The following NAALADL2 variants were observed in gnomAD, a reference collection of about 807,000 sequenced individuals.
NAALADL2 encodes the protein N-acetylated alpha-linked acidic dipeptidase like 2.
In NAALADL2, 76 loss-of-function variants were observed where a neutral mutation model predicts 87.2. The ratio of observed to expected loss-of-function variants is 0.87; its 90% confidence interval spans 0.72 to 1.05. The LOEUF is 1.05. Among genes scored for constraint, NAALADL2 ranks in the 50% least tolerant of loss-of-function variants. NAALADL2 has a pLI of 0.00. For missense variants in NAALADL2, 1,089 were observed against 945.8 expected, an observed-to-expected ratio of 1.15 and a Z score of -1.99; for synonymous variants, 354 against 331.0, an observed-to-expected ratio of 1.07 and a Z score of -0.75.
chr3:174,563,003 TAAC>T (rs1402631526), intron 2 of NAALADL2, among the ~76,000 whole-genome samples: 1 of 152,112 alleles, frequency 6.6e-6, no homozygotes, highest in Non-Finnish European at 1.5e-5. Context: ...CTTTAAGATG[TAAC>T]AACAATTTAG....
In NAALADL2 at chr3:174,847,462, A is replaced by C. The variant is rs561990899; in HGVS notation, c.-9+109716A>C. ...TTGATGGCTTTATTATAATCAAGAA[A>C]TAAACTTTTAAAAAATAGGCTAAAC... On this transcript the variant is annotated intron_variant, in intron 3 of 3. Transcript: ENST00000434257. Among the ~76,000 whole-genome samples the C allele has an allele frequency of 3.9e-5, 6 of 152,314 alleles. No homozygotes were observed. The East Asian group carries it at 7.7e-4, about 20-fold the overall frequency.
At chr3:174,473,818 T>A (rs1717052711) in intron 1 of NAALADL2, among the ~76,000 whole-genome samples, 2 of 152,192 alleles carry the variant, frequency 1.3e-5, no homozygotes, top group Admixed American at 1.3e-4. Flanking sequence ...TGAGGCTGTA[T>A]TAGTCCATTC....
intron 1 of NAALADL2, among the ~76,000 whole-genome samples, chr3:174,880,222 T>C (rs1379745978): frequency 6.6e-6 from 1 of 152,090 alleles, no homozygotes; most frequent in African/African-American, 2.4e-5. Flanking sequence ...TACCTGGGTA[T>C]GATTAAACAT....
chr3:174,722,090 G>A (rs1433043764), intron 2 of NAALADL2, among the ~76,000 whole-genome samples: 1 of 152,134 alleles, frequency 6.6e-6, no homozygotes, highest in East Asian at 1.9e-4. Context: ...TCCTTCTTTA[G>A]TTATTTAGGG....
intron 10 of NAALADL2, among the ~76,000 whole-genome samples, chr3:175,623,354 G>A (rs1460958867): frequency 1.4e-5 from 2 of 148,070 alleles, no homozygotes; most frequent in Non-Finnish European, 3.0e-5. Flanking sequence ...CCTGAACAGA[G>A]GAGAAGGAAG....
intron 1 of NAALADL2, among the ~76,000 whole-genome samples, chr3:174,867,179 G>A (rs1054008975): frequency 1.3e-5 from 2 of 152,032 alleles, no homozygotes; most frequent in African/African-American, 4.8e-5. Context: ...GAAAGAACTA[G>A]TAAATTGGGT....
intron 1 of NAALADL2, among the ~76,000 whole-genome samples, chr3:174,535,010 T>C (rs1721604505): frequency 1.3e-5 from 2 of 152,214 alleles, no homozygotes; most frequent in Non-Finnish European, 2.9e-5. Context: ...CTGGTAATTT[T>C]AATATGTAAG....
intron 3 of NAALADL2, among the ~76,000 whole-genome samples, chr3:174,767,273 C>A (rs1713933892): frequency 1.3e-5 from 2 of 151,468 alleles, no homozygotes; most frequent in South Asian, 2.2e-4. Flanking sequence ...CCTTTCAAAT[C>A]TTCCTATATC....
At chr3:174,582,883 C>T (rs1345961883) in intron 2 of NAALADL2, among the ~76,000 whole-genome samples, 1 of 141,770 alleles carries the variant, frequency 7.1e-6, no homozygotes, top group Non-Finnish European at 1.5e-5. Context: ...TGCACCCAGC[C>T]CAGACTTCAT....
rs1391508849 is a variant in NAALADL2 at position 174,571,277 on chromosome 3, CG to C, written c.-115+20641del. The stretch of plus-strand genomic sequence containing the variant: ...TAAACTAAAAAACAGAAAAATCTTT[CG>C]TTTTTTTAGTGAGACTATTGTAACC... On this transcript the variant is annotated intron_variant, in intron 2 of 3. Coordinates refer to the NAALADL2 transcript ENST00000434257. Among the ~76,000 whole-genome samples, 91 of 150,474 alleles carry C rather than the reference CG, an allele frequency of 6.0e-4. 2 individuals are homozygous for C. In the South Asian group the frequency reaches 0.018, roughly 31 times the overall value.
At chr3:174,829,212 C>T (rs1560265698) in intron 3 of NAALADL2, among the ~76,000 whole-genome samples, 2 of 151,464 alleles carry the variant, frequency 1.3e-5, no homozygotes, top group Admixed American at 6.6e-5. Flanking sequence ...TGCGCTGCAC[C>T]CACTAACTCG....
At chr3:175,697,582 A>T (rs1436147117) in intron 11 of NAALADL2, among the ~76,000 whole-genome samples, 1 of 151,682 alleles carries the variant, frequency 6.6e-6, no homozygotes, top group African/African-American at 2.4e-5. Context: ...GAGTTATGGG[A>T]TAACTCTGAA....
At chr3:174,890,773 C>A (rs183527777) in intron 1 of NAALADL2, among the ~76,000 whole-genome samples, 93 of 152,206 alleles carry the variant, frequency 6.1e-4, no homozygotes, top group African/African-American at 2.0e-3. Context: ...TGTGGTCAAA[C>A]TCCTGCTTTT....
chr3:175,290,434 T>C (rs527723660), intron 4 of NAALADL2, among the ~76,000 whole-genome samples: 95 of 152,308 alleles, frequency 6.2e-4, no homozygotes, highest in Non-Finnish European at 1.1e-3. Flanking sequence ...AGTGGTTTCC[T>C]ACAATTGGCA....
chr3:174,501,682 G>C (rs1048984446), intron 1 of NAALADL2, among the ~76,000 whole-genome samples: 3 of 151,962 alleles, frequency 2.0e-5, no homozygotes, highest in Non-Finnish European at 4.4e-5. Flanking sequence ...GAATGTATTG[G>C]CTTAAAATTT....
Position 175,803,779 on chromosome 3 carries a change from A to AT in NAALADL2, c.*583dup, listed in dbSNP as rs921704750. 9.8e-5 allele frequency: 15 copies of AT among 152,472 alleles called. No homozygotes were observed. The highest frequency in any genetic ancestry group is 3.4e-4 in the African/African-American group (14 of 41,524). The allele number at this position is 152,472 out of a possible 1,614,324, so 9.4% of individuals were successfully genotyped here. A position where few individuals can be genotyped will look rare whatever the true frequency, so the allele number is the denominator to read the frequency against. ...AGTAATACACTGGTTATGAAATTGT[A>AT]TTTTTTTAAGTATTAATGAAAAAAG... On this transcript the variant is annotated 3_prime_UTR_variant, in exon 14 of 14. Coordinates refer to ENST00000454872, the MANE Select transcript of NAALADL2 (RefSeq NM_207015.3).
chr3:175,500,621 A>G (rs1264154570), intron 9 of NAALADL2, among the ~76,000 whole-genome samples: 3 of 152,216 alleles, frequency 2.0e-5, no homozygotes, highest in South Asian at 2.1e-4. Context: ...ATAACTAACA[A>G]TTATCCTGTG....
intron 1 of NAALADL2, among the ~76,000 whole-genome samples, chr3:174,539,943 T>C (rs918746798): frequency 1.4e-4 from 17 of 124,460 alleles, no homozygotes; most frequent in African/African-American, 3.7e-4. Flanking sequence ...AGGGTAATTG[T>C]AACATTTTGC....
At position 174,648,901 on chromosome 3, in the gene NAALADL2, T is replaced by C. The variant is rs150544289; in HGVS notation, c.-114-88740T>C. The stretch of plus-strand genomic sequence containing the variant: ...TGTGTTGAGAGAGAGAGGTTGGTTT[T>C]ATATCATTTGATGAGTTGCACTGCA... On this transcript the variant is annotated intron_variant, in intron 2 of 3. Transcript: ENST00000434257. Among the ~76,000 whole-genome samples the C allele has an allele frequency of 1.9e-3, 286 of 152,310 alleles. 2 individuals carry two copies. The highest frequency in any genetic ancestry group is 6.4e-3 in the African/African-American group (268 of 41,578).
Sources: allele counts gnomAD v4.1 joint callset (sites outside exome capture counted in the v4.1 genomes callset), GRCh38; gene constraint gnomAD v4.1.1; transcripts MANE v1.5; gene names NCBI Gene and HGNC (gene_info 2026-07-23, HGNC 2026-07-21).